Variants in MTAP observed in about 807,000 individuals in gnomAD.
MTAP encodes methylthioadenosine phosphorylase, also known as S-methyl-5'-thioadenosine phosphorylase.
MTAP carries 33 observed loss-of-function variants against 33.6 expected under a neutral mutation model. That is an observed-to-expected ratio of 0.98 (90% CI 0.74 to 1.31). The LOEUF (loss-of-function observed/expected upper bound fraction) is 1.31, where lower values mean the gene tolerates loss of function less well. MTAP is among the 40% of genes most tolerant of loss of function. The pLI is 0.00. For synonymous variants in MTAP, 148 were observed against 125.7 expected (o/e 1.18, Z -1.19); for missense variants, 367 against 360.0 (o/e 1.02, Z -0.16).
At chr9:21,814,937 T>C (rs1355346891) in intron 1 of MTAP, among the ~76,000 whole-genome samples, 1 of 152,214 alleles carries the variant, frequency 6.6e-6, no homozygotes, top group African/African-American at 2.4e-5. Context: ...AAAGATAATC[T>C]CTCATTTCTT....
downstream of MTAP, among the ~76,000 whole-genome samples, chr9:21,870,383 T>C (rs1189655055): frequency 5.3e-5 from 8 of 152,338 alleles, no homozygotes; most frequent in Admixed American, 3.9e-4. Context: ...TTTACTGATA[T>C]CCTAAATGAC....
chr9:21,916,393 T>G (rs186766042), intron 1 of MTAP, among the ~76,000 whole-genome samples: 134 of 152,176 alleles, frequency 8.8e-4, no homozygotes, highest in African/African-American at 3.2e-3. Context: ...GTGGATCACT[T>G]GATGTCAGGA....
intron 1 of MTAP, among the ~76,000 whole-genome samples, chr9:21,908,767 GT>G (rs1366645248): frequency 6.7e-6 from 1 of 150,346 alleles, no homozygotes; most frequent in Non-Finnish European, 1.5e-5. Flanking sequence ...TAGGTACAGT[GT>G]TTTTGAGCAT....
chr9:21,847,563 C>G (rs1825412844), intron 5 of MTAP, among the ~76,000 whole-genome samples: 1 of 152,180 alleles, frequency 6.6e-6, no homozygotes, highest in Non-Finnish European at 1.5e-5. Flanking sequence ...AAGGACTCTA[C>G]ATAATACCTT....
downstream of MTAP, among the ~76,000 whole-genome samples, chr9:21,868,747 AC>A (rs1467388339): frequency 1.3e-5 from 2 of 151,590 alleles, no homozygotes; most frequent in Middle Eastern, 3.2e-3. Flanking sequence ...CACTTTCAAG[AC>A]CCCCCTCTGC....
intron 1 of MTAP, among the ~76,000 whole-genome samples, chr9:21,902,041 G>A (rs1818401161): frequency 6.6e-6 from 1 of 152,156 alleles, no homozygotes; most frequent in African/African-American, 2.4e-5. Flanking sequence ...TTCAGTCTGG[G>A]TTCCTACAGG....
chr9:21,896,718 T>C (rs1293237235), intron 1 of MTAP, among the ~76,000 whole-genome samples: 5 of 151,958 alleles, frequency 3.3e-5, no homozygotes, highest in South Asian at 2.1e-4. Flanking sequence ...CAATAACAGG[T>C]TCTGAAATTG....
At chr9:21,906,940 A>G (rs973655212) in intron 1 of MTAP, among the ~76,000 whole-genome samples, 1 of 152,252 alleles carries the variant, frequency 6.6e-6, no homozygotes, top group Non-Finnish European at 1.5e-5. Flanking sequence ...AATTCAGTAA[A>G]TTAACAGAAT....
chr9:21,913,083 G>T (rs1333368593), intron 1 of MTAP, among the ~76,000 whole-genome samples: 1 of 152,162 alleles, frequency 6.6e-6, no homozygotes, highest in Non-Finnish European at 1.5e-5. Context: ...GGTTGTGAAG[G>T]ACCTCTTCAA....
At position 21,818,280 on chromosome 9, in the gene MTAP, C is replaced by T. The variant is rs143380440; in HGVS notation, c.347+78C>T. 7.3e-6 allele frequency: 8 copies of T among 1,096,884 alleles called. No homozygotes were observed. In the East Asian group the frequency reaches 2.0e-4, roughly 27 times the overall value. The allele number at this position is 1,096,884 out of a possible 1,614,324, so 67.9% of individuals were successfully genotyped here. A position where few individuals can be genotyped will look rare whatever the true frequency, so the allele number is the denominator to read the frequency against. On this transcript the variant is annotated intron_variant, in intron 4 of 7. Transcript: ENST00000644715. Reference sequence around the variant, plus strand: ...CAAATGGACGACGCGTGGGAACCGGCAGGGCAACTGGGAGGGCAGTGCCAC... The same window carrying T: ...CAAATGGACGACGCGTGGGAACCGGTAGGGCAACTGGGAGGGCAGTGCCAC...
At position 21,816,615 on chromosome 9, in the gene MTAP, C is replaced by A. The variant is rs559328931; in HGVS notation, c.121-99C>A. ...CTCTTCTCTAAGTTGTATCCTCAGA[C>A]TCTTCAGATTCCATGAGTCCTGTTG... is the stretch of plus-strand genomic sequence containing the variant. On this transcript the variant is annotated intron_variant, in intron 2 of 7. Coordinates refer to ENST00000644715, the MANE Select transcript of MTAP (RefSeq NM_002451.4). 7 of 970,204 alleles carry A rather than the reference C, an allele frequency of 7.2e-6. No individual in the cohort carries two copies. The East Asian group carries it at 1.7e-4, about 24-fold the overall frequency. 60.1% of individuals were successfully genotyped at this position (970,204 alleles called of 1,614,324 possible). A position where few individuals can be genotyped will look rare whatever the true frequency, so the allele number is the denominator to read the frequency against.
intron 1 of MTAP, among the ~76,000 whole-genome samples, chr9:21,905,600 CTG>C (rs1205636887): frequency 2.0e-5 from 3 of 151,986 alleles, no homozygotes; most frequent in Non-Finnish European, 4.4e-5. Flanking sequence ...GTAGCAAACA[CTG>C]TGTTAAGTGC....
At chr9:21,829,969 G>T (rs1048613448) in intron 4 of MTAP, among the ~76,000 whole-genome samples, 6 of 152,034 alleles carry the variant, frequency 3.9e-5, no homozygotes, top group African/African-American at 1.5e-4. Flanking sequence ...AGCTGATGAA[G>T]TTAAAAAGCC....
chr9:21,818,872 T>G (rs1041059776), intron 4 of MTAP, among the ~76,000 whole-genome samples: 1 of 152,200 alleles, frequency 6.6e-6, no homozygotes, highest in African/African-American at 2.4e-5. Context: ...TCTCAAAAAC[T>G]TATTCCTCCT....
chr9:21,864,695 A>G lies in MTAP; in HGVS notation c.*2681A>G, dbSNP rs73438585. ...CTACCATGGCTTGTTTCAAGGAAGG[A>G]AACTCTGGTACGGTGGCACCCTCAG... On this transcript the variant is annotated 3_prime_UTR_variant, in exon 8 of 8. Transcript: ENST00000644715. 4.7e-5 allele frequency: 46 copies of G among 985,422 alleles called. No individual in the cohort carries two copies. The African/African-American group carries it at 7.8e-4, about 17-fold the overall frequency. The allele number at this position is 985,422 out of a possible 1,614,324, so 61.0% of individuals were successfully genotyped here. A position where few individuals can be genotyped will look rare whatever the true frequency, so the allele number is the denominator to read the frequency against.
downstream of MTAP, among the ~76,000 whole-genome samples, chr9:21,869,236 T>A (rs1001949322): frequency 2.0e-5 from 3 of 152,136 alleles, no homozygotes; most frequent in Non-Finnish European, 4.4e-5. Flanking sequence ...CTCCAGTCTT[T>A]CCTTAGTCCT....
intron 4 of MTAP, among the ~76,000 whole-genome samples, chr9:21,820,131 A>C (rs1223352243): frequency 6.6e-6 from 1 of 152,130 alleles, no homozygotes; most frequent in African/African-American, 2.4e-5. Context: ...TGCTGTGCAG[A>C]AGCTCTTTAG....
intron 3 of MTAP, among the ~76,000 whole-genome samples, chr9:21,817,225 G>A (rs1046099678): frequency 6.6e-6 from 1 of 152,168 alleles, no homozygotes; most frequent in Non-Finnish European, 1.5e-5. Flanking sequence ...TACAGAGGAG[G>A]CCAAGTCATT....
At position 21,865,433 on chromosome 9, in the gene MTAP, G is replaced by A; in HGVS notation, c.*3419G>A. 1.0e-6 allele frequency: 1 copy of A among 985,248 alleles called. No homozygotes were observed. The allele number at this position is 985,248 out of a possible 1,614,324, so 61.0% of individuals were successfully genotyped here. On this transcript the variant is annotated 3_prime_UTR_variant, in exon 8 of 8. Transcript: ENST00000644715. ...AGTCCTTTACAGCAGCATGAGAATG[G>A]ACTAATACACTCCTCAAATGTTTTG...
Sources: allele counts gnomAD v4.1 joint callset (sites outside exome capture counted in the v4.1 genomes callset), GRCh38; gene constraint gnomAD v4.1.1; transcripts MANE v1.5; gene names NCBI Gene and HGNC (gene_info 2026-07-23, HGNC 2026-07-21).